Variants in ZNF804A observed in about 807,000 individuals in gnomAD.
ZNF804A encodes the protein zinc finger protein 804A.
In ZNF804A, 2 loss-of-function variants were observed where a neutral mutation model predicts 16.5. The ratio of observed to expected loss-of-function variants is 0.12; its 90% confidence interval spans 0.05 to 0.38. ZNF804A has a LOEUF of 0.38. Among genes scored for constraint, ZNF804A ranks in the 10% least tolerant of loss-of-function variants. ZNF804A has a pLI of 0.99. For missense variants in ZNF804A, 1,473 were observed against 1,390.7 expected, an observed-to-expected ratio of 1.06 and a Z score of -0.94; for synonymous variants, 534 against 489.6, an observed-to-expected ratio of 1.09 and a Z score of -1.20.
chr2:184,891,221 G>T (rs1255954009), intron 2 of ZNF804A, among the ~76,000 whole-genome samples: 1 of 152,016 alleles, frequency 6.6e-6, no homozygotes, highest in Non-Finnish European at 1.5e-5. Flanking sequence ...TATTTTTCCT[G>T]CCCCCTGAAC....
intron 1 of ZNF804A, among the ~76,000 whole-genome samples, chr2:184,792,701 T>A (rs1694568967): frequency 6.6e-6 from 1 of 152,192 alleles, no homozygotes; most frequent in African/African-American, 2.4e-5. Flanking sequence ...ATTTTTTTAC[T>A]GGATCTAAAG....
intron 1 of ZNF804A, among the ~76,000 whole-genome samples, chr2:184,634,565 G>T (rs1029660278): frequency 6.6e-6 from 1 of 152,008 alleles, no homozygotes; most frequent in Admixed American, 6.6e-5. Flanking sequence ...GAGGGAGGGC[G>T]TCAGGGAGAA....
At chr2:184,662,002 A>G (rs964949363) in intron 1 of ZNF804A, among the ~76,000 whole-genome samples, 20 of 152,220 alleles carry the variant, frequency 1.3e-4, no homozygotes, top group African/African-American at 4.6e-4. Context: ...AACAAATTCA[A>G]TAACTGATTC....
At chr2:184,873,799 AC>A (rs1422847547) in intron 2 of ZNF804A, among the ~76,000 whole-genome samples, 1 of 152,210 alleles carries the variant, frequency 6.6e-6, no homozygotes, top group Admixed American at 6.5e-5. Flanking sequence ...CGACAGTTTT[AC>A]AACATAGATT....
intron 2 of ZNF804A, among the ~76,000 whole-genome samples, chr2:184,889,620 G>A (rs79688761): frequency 0.04 from 6,138 of 151,662 alleles, 398 homozygotes; most frequent in African/African-American, 0.14. Context: ...GCATATATTC[G>A]TTTCTTTAAG....
chr2:184,632,426 A>G lies in ZNF804A; in HGVS notation c.111+33356A>G, dbSNP rs561713556. Among the ~76,000 whole-genome samples the G allele has an allele frequency of 3.3e-5, 5 of 152,248 alleles. No individual in the cohort carries two copies. In the East Asian group the frequency reaches 9.7e-4, roughly 29 times the overall value. ...GTTGCTTGTTTGTTTATTTTTTGAG[A>G]TGGAGTCTCACTCTGTCGCCCAGAC... is the stretch of plus-strand genomic sequence containing the variant. On this transcript the variant is annotated intron_variant, in intron 1 of 3. Transcript: ENST00000302277.
rs540014073 is a variant in ZNF804A at position 184,866,624 on chromosome 2, C to T, written c.255+112C>T. 6.5e-6 allele frequency: 6 copies of T among 930,040 alleles called. No individual in the cohort carries two copies. The African/African-American group carries it at 1.1e-4, about 17-fold the overall frequency. 57.6% of individuals were successfully genotyped at this position (930,040 alleles called of 1,614,324 possible). ...TTCTTATTTAATTTAATTTGCTGTA[C>T]AGTTTTGAAATATATCATTCTGGGA... On this transcript the variant is annotated intron_variant, in intron 2 of 3. Transcript: ENST00000302277.
At chr2:184,644,309 T>A (rs1407190503) in intron 1 of ZNF804A, among the ~76,000 whole-genome samples, 1 of 151,758 alleles carries the variant, frequency 6.6e-6, no homozygotes, top group African/African-American at 2.4e-5. Context: ...CTGAATAGAT[T>A]TTGAAAATAG....
chr2:184,713,698 G>A (rs2092753245), intron 1 of ZNF804A, among the ~76,000 whole-genome samples: 1 of 151,840 alleles, frequency 6.6e-6, no homozygotes, highest in South Asian at 2.1e-4. Context: ...TAAAAATTCT[G>A]GACAGTGAAA....
At chr2:184,610,682 T>C (rs1486333368) in intron 1 of ZNF804A, among the ~76,000 whole-genome samples, 1 of 152,112 alleles carries the variant, frequency 6.6e-6, no homozygotes, top group Non-Finnish European at 1.5e-5. Context: ...GTTAGCAAAA[T>C]ACCACTCCCT....
At chr2:184,866,199 A>G (rs1695874752) in intron 1 of ZNF804A, among the ~76,000 whole-genome samples, 170 bp from the exon 2 acceptor site, 1 of 151,988 alleles carries the variant, frequency 6.6e-6, no homozygotes. Context: ...TAGTCTTTTA[A>G]TTTTTAAGTT....
chr2:184,874,562 GTCTT>G (rs1437967255), intron 2 of ZNF804A, among the ~76,000 whole-genome samples: 1 of 152,040 alleles, frequency 6.6e-6, no homozygotes, highest in Non-Finnish European at 1.5e-5. Flanking sequence ...TGCCATTCAA[GTCTT>G]TCACCATTTC....
At chr2:184,785,484 T>C (rs549856819) in intron 1 of ZNF804A, among the ~76,000 whole-genome samples, 1 of 152,076 alleles carries the variant, frequency 6.6e-6, no homozygotes, top group South Asian at 2.1e-4. Context: ...CCTGATATTA[T>C]GGAGGTGTAA....
intron 1 of ZNF804A, among the ~76,000 whole-genome samples, chr2:184,618,644 A>C (rs1691369104): frequency 6.6e-6 from 1 of 152,024 alleles, no homozygotes; most frequent in South Asian, 2.1e-4. Context: ...GTATCAATTC[A>C]TGTTGCAATT....
chr2:184,637,602 GT>G (rs1426028489), intron 1 of ZNF804A, among the ~76,000 whole-genome samples: 1 of 152,090 alleles, frequency 6.6e-6, no homozygotes, highest in Non-Finnish European at 1.5e-5. Flanking sequence ...AGACAGTGCA[GT>G]ATCTTAAAGC....
intron 1 of ZNF804A, among the ~76,000 whole-genome samples, chr2:184,856,277 CT>C (rs113142571): frequency 1.4e-4 from 22 of 152,094 alleles, no homozygotes; most frequent in African/African-American, 4.3e-4. Flanking sequence ...AAAAAGCCAT[CT>C]TTCCAAATTT....
At chr2:184,679,397 A>C (rs902635070) in intron 1 of ZNF804A, among the ~76,000 whole-genome samples, 1 of 152,202 alleles carries the variant, frequency 6.6e-6, no homozygotes, top group Non-Finnish European at 1.5e-5. Flanking sequence ...TGCATGCTCC[A>C]TGGAGCTGGA....
chr2:184,631,405 C>T (rs1034997156), intron 1 of ZNF804A, among the ~76,000 whole-genome samples: 1 of 152,104 alleles, frequency 6.6e-6, no homozygotes, highest in African/African-American at 2.4e-5. Flanking sequence ...TTGTAAAGTG[C>T]AAAATGTTAT....
intron 2 of ZNF804A, among the ~76,000 whole-genome samples, chr2:184,914,903 T>G (rs1685421146): frequency 6.6e-6 from 1 of 151,732 alleles, no homozygotes; most frequent in African/African-American, 2.4e-5. Flanking sequence ...TTCACTAGAT[T>G]GATATTATTT....
Sources: allele counts gnomAD v4.1 joint callset (sites outside exome capture counted in the v4.1 genomes callset), GRCh38; gene constraint gnomAD v4.1.1; transcripts MANE v1.5; gene names NCBI Gene and HGNC (gene_info 2026-07-23, HGNC 2026-07-21).